The following LINGO2 variants were observed in gnomAD, a reference collection of about 807,000 sequenced individuals.
The protein encoded by LINGO2 is leucine-rich repeat and immunoglobulin-like domain-containing nogo receptor-interacting protein 2.
LINGO2 carries 14 observed loss-of-function variants against 30.6 expected under a neutral mutation model. The observed-to-expected ratio is 0.46, with a 90% CI of 0.30 to 0.72. LINGO2 has a LOEUF of 0.72. Among genes scored for constraint, LINGO2 ranks in the 30% least tolerant of loss-of-function variants. The pLI is 0.07. For synonymous variants in LINGO2, 317 were observed against 288.5 expected (o/e 1.10, Z -1.00); for missense variants, 729 against 751.7 (o/e 0.97, Z 0.35).
intron 4 of LINGO2, among the ~76,000 whole-genome samples, chr9:28,046,738 C>A (rs1824439070): frequency 6.6e-6 from 1 of 151,418 alleles, no homozygotes; most frequent in East Asian, 2.0e-4. Context: ...CATATCTCCT[C>A]TTTATCTACC....
At chr9:28,728,303 A>AT in the LINGO2 span, among the ~76,000 whole-genome samples, 1 of 152,174 alleles carries the variant, frequency 6.6e-6, no homozygotes. Context: ...AAACTGGTAA[A>AT]TTATTTTTAA....
At chr9:29,042,720 T>A in the LINGO2 span, among the ~76,000 whole-genome samples, 2 of 151,998 alleles carry the variant, frequency 1.3e-5, no homozygotes, top group Non-Finnish European at 2.9e-5. Flanking sequence ...GTGGGATGAC[T>A]AAATCAACTT....
At chr9:28,307,584 A>G (rs1824421890) in intron 3 of LINGO2, among the ~76,000 whole-genome samples, 1 of 152,170 alleles carries the variant, frequency 6.6e-6, no homozygotes, top group African/African-American at 2.4e-5. Flanking sequence ...CGCCAGGGCA[A>G]TTAGGCAGGA....
chr9:28,798,684 T>C, the LINGO2 span, among the ~76,000 whole-genome samples: 5 of 152,118 alleles, frequency 3.3e-5, no homozygotes, highest in African/African-American at 1.2e-4. Flanking sequence ...CAAACAATTC[T>C]GTTTTCTTCC....
the LINGO2 span, among the ~76,000 whole-genome samples, chr9:28,913,074 T>C: frequency 1.3e-4 from 20 of 152,278 alleles, no homozygotes; most frequent in South Asian, 1.5e-3. Context: ...CAGTTTACAC[T>C]CAGTTTCAAC....
At chr9:28,941,747 G>T in the LINGO2 span, among the ~76,000 whole-genome samples, 1 of 151,916 alleles carries the variant, frequency 6.6e-6, no homozygotes, top group Non-Finnish European at 1.5e-5. Flanking sequence ...ATAATTTTGG[G>T]GTTACTATAT....
At position 28,117,204 on chromosome 9, in the gene LINGO2, C is replaced by A. The variant is rs901657953; in HGVS notation, c.-86-104799G>T. 9.3e-4 allele frequency among the ~76,000 whole-genome samples: 141 copies of A among 151,992 alleles called. 1 individual carries two copies. The South Asian group carries it at 0.012, about 13-fold the overall frequency. On this transcript the variant is annotated intron_variant, in intron 4 of 5. Coordinates refer to ENST00000379992, the Ensembl canonical transcript of LINGO2. The stretch of plus-strand genomic sequence containing the variant: ...GTCAGTGTGCCCCTGGTGGGGGGTG[C>A]CTCCCAGTTAGGCTGCCCGGGGTTC...
At chr9:28,045,079 T>C (rs1824355610) in intron 4 of LINGO2, among the ~76,000 whole-genome samples, 1 of 151,788 alleles carries the variant, frequency 6.6e-6, no homozygotes, top group South Asian at 2.1e-4. Flanking sequence ...TCAGGCAATA[T>C]AATAGAAGAG....
chr9:28,368,604 T>TTTTTTTTC (rs1820769719), intron 3 of LINGO2, among the ~76,000 whole-genome samples: 1 of 137,944 alleles, frequency 7.2e-6, no homozygotes, highest in Admixed American at 7.4e-5. Flanking sequence ...CTTTTTTTTT[T>TTTTTTTTC]TTTTCTTTTT....
At chr9:28,747,621 G>C in the LINGO2 span, among the ~76,000 whole-genome samples, 1 of 152,096 alleles carries the variant, frequency 6.6e-6, no homozygotes, top group Non-Finnish European at 1.5e-5. Context: ...CTGCCCGTCT[G>C]CATGCTCCCT....
At chr9:28,629,663 T>C (rs987243457) in intron 1 of LINGO2, among the ~76,000 whole-genome samples, 1 of 152,078 alleles carries the variant, frequency 6.6e-6, no homozygotes, top group Non-Finnish European at 1.5e-5. Flanking sequence ...TACAATAATG[T>C]ATAAAATATA....
chr9:28,025,447 C>A (rs1823329892), intron 4 of LINGO2, among the ~76,000 whole-genome samples: 1 of 152,202 alleles, frequency 6.6e-6, no homozygotes, highest in Non-Finnish European at 1.5e-5. Flanking sequence ...TCAGTGGACA[C>A]TCTTTTCTCA....
chr9:28,487,271 C>T (rs181077710), intron 1 of LINGO2, among the ~76,000 whole-genome samples: 72 of 152,144 alleles, frequency 4.7e-4, no homozygotes, highest in Admixed American at 2.3e-3. Flanking sequence ...TTTTAGTATG[C>T]TTTTCTCACC....
chr9:29,148,407 A>T, the LINGO2 span, among the ~76,000 whole-genome samples: 10 of 152,138 alleles, frequency 6.6e-5, no homozygotes, highest in Non-Finnish European at 1.2e-4. Context: ...ATTGATGGCT[A>T]AGTAACTTTT....
intron 2 of LINGO2, among the ~76,000 whole-genome samples, chr9:28,420,868 G>T (rs1401359132): frequency 6.6e-6 from 1 of 151,950 alleles, no homozygotes; most frequent in Non-Finnish European, 1.5e-5. Flanking sequence ...TGGCCATGTC[G>T]AGAGGGACTA....
At chr9:28,769,142 T>G in the LINGO2 span, among the ~76,000 whole-genome samples, 1 of 151,888 alleles carries the variant, frequency 6.6e-6, no homozygotes, top group Admixed American at 6.6e-5. Flanking sequence ...GTATTCTATA[T>G]CTGCATTGTC....
chr9:28,745,970 T>TACAAACTATCAAATATAAGATAAAAATAC, the LINGO2 span, among the ~76,000 whole-genome samples: 1 of 152,008 alleles, frequency 6.6e-6, no homozygotes, highest in Non-Finnish European at 1.5e-5. Flanking sequence ...AGATAAAATA[T>TACAAACTATCAAATATAAGATAAAAATAC]ACAAACTATC....
rs1002322411 is a variant in LINGO2 at position 28,334,090 on chromosome 9, T to C, written c.-245-38724A>G. 7.9e-5 allele frequency among the ~76,000 whole-genome samples: 12 copies of C among 152,274 alleles called. No individual in the cohort carries two copies. The South Asian group carries it at 2.3e-3, about 29-fold the overall frequency. On this transcript the variant is annotated intron_variant, in intron 3 of 5. Coordinates refer to ENST00000379992, the Ensembl canonical transcript of LINGO2. The stretch of plus-strand genomic sequence containing the variant: ...TGCTTCTTTGTAAAAGCAGGAGCTG[T>C]TTCTGCTCTGAAGCCTTCTCTGAAC...
chr9:28,591,014 T>C (rs992068620), intron 1 of LINGO2, among the ~76,000 whole-genome samples: 1 of 152,066 alleles, frequency 6.6e-6, no homozygotes, highest in Non-Finnish European at 1.5e-5. Context: ...TATAGGGACA[T>C]GGATGAAGCT....
Sources: gnomAD v4.1 joint callset for allele counts (sites outside exome capture counted in the v4.1 genomes callset) on GRCh38, gnomAD v4.1.1 for gene constraint, MANE v1.5 for transcripts, NCBI Gene and HGNC (gene_info 2026-07-23, HGNC 2026-07-21) for gene names.